Variants in LINC02747 observed in about 807,000 individuals in gnomAD.
LINC02747 encodes the protein CCND1-upstream intergenic DNA repair 2.
chr11:69,479,483 A>G (rs1857028143), intron 1 of LINC02747, among the ~76,000 whole-genome samples: 1 of 152,152 alleles, frequency 6.6e-6, no homozygotes, highest in Non-Finnish European at 1.5e-5. Flanking sequence ...TCATGAGCAG[A>G]AAAACGCCCT....
At chr11:69,477,339 T>C (rs973047110) in exon 2 of LINC02747, 6 of 152,242 alleles carry the variant, frequency 3.9e-5, no homozygotes, top group African/African-American at 1.2e-4. Flanking sequence ...GCTGAGCACA[T>C]GAAGGCCTCA....
At chr11:69,479,009 C>T (rs562188333) in intron 1 of LINC02747, among the ~76,000 whole-genome samples, 1 of 152,110 alleles carries the variant, frequency 6.6e-6, no homozygotes, top group Non-Finnish European at 1.5e-5. Context: ...AATCCCAGCA[C>T]TTTGGGAGGC....
chr11:69,478,091 T>A (rs1857012712), intron 1 of LINC02747, among the ~76,000 whole-genome samples: 1 of 151,966 alleles, frequency 6.6e-6, no homozygotes, highest in African/African-American at 2.4e-5. Context: ...TGCTAACAAA[T>A]GAATAACAAA....
intron 1 of LINC02747, among the ~76,000 whole-genome samples, chr11:69,478,450 C>T (rs1857016035): frequency 6.6e-6 from 1 of 152,232 alleles, no homozygotes; most frequent in South Asian, 2.1e-4. Flanking sequence ...CCGCCTGCTC[C>T]TGTCTTTCCT....
chr11:69,477,067 G>C (rs1857002983), exon 2 of LINC02747: 1 of 152,250 alleles, frequency 6.6e-6, no homozygotes, highest in South Asian at 2.1e-4. Context: ...CTTACACAGA[G>C]GGTCTTGCTG....
chr11:69,477,966 T>C (rs923643148), intron 1 of LINC02747, among the ~76,000 whole-genome samples: 2 of 151,970 alleles, frequency 1.3e-5, no homozygotes, highest in Non-Finnish European at 2.9e-5. Flanking sequence ...GTGGTGGGGA[T>C]GGGGCGAGGA....
chr11:69,476,399 T>C (rs1282852830), exon 2 of LINC02747: 1 of 152,116 alleles, frequency 6.6e-6, no homozygotes, highest in Non-Finnish European at 1.5e-5. Context: ...CAACAGACGC[T>C]TGCTGGTGGG....
Position 69,481,017 on chromosome 11 carries a change from C to T in LINC02747, n.120+409G>A, listed in dbSNP as rs180712252. The stretch of plus-strand genomic sequence containing the variant: ...CAACTGTGTAACAGGTGCCAGGCAC[C>T]TACAGTGTGCTGGGCATGGGGCTGA... On this transcript the variant is annotated intron_variant and non_coding_transcript_variant, in intron 1 of 1. Coordinates refer to ENST00000645449, the Ensembl canonical transcript of LINC02747. 1.3e-4 allele frequency among the ~76,000 whole-genome samples: 20 copies of T among 152,338 alleles called. No individual in the cohort carries two copies. The East Asian group carries it at 1.4e-3, about 10-fold the overall frequency.
At chr11:69,475,847 A>T (rs540919513) in exon 2 of LINC02747, 1 of 152,116 alleles carries the variant, frequency 6.6e-6, no homozygotes, top group Admixed American at 6.5e-5. Context: ...ATGCCATCAC[A>T]TTGGGAGTTA....
chr11:69,477,549 C>A (rs1857007527), exon 2 of LINC02747: 1 of 152,220 alleles, frequency 6.6e-6, no homozygotes, highest in Non-Finnish European at 1.5e-5. Context: ...GGTGTCATCT[C>A]TATTCCAGGA....
At position 69,480,742 on chromosome 11, in the gene LINC02747, C is replaced by T. The variant is rs60493505; in HGVS notation, n.120+684G>A. The stretch of plus-strand genomic sequence containing the variant: ...ACTCTGGCACTGAGCCGGCACTGGG[C>T]GGGATCAGTAGCTTGGATGGAATGC... On this transcript the variant is annotated intron_variant and non_coding_transcript_variant, in intron 1 of 1. Coordinates refer to ENST00000645449, the Ensembl canonical transcript of LINC02747. Among the ~76,000 whole-genome samples the T allele has an allele frequency of 7.5e-3, 1,146 of 152,292 alleles. 18 individuals are homozygous for T. Among genetic ancestry groups the T allele is most frequent in the African/African-American group, 0.026 (1,068 of 41,550 alleles).
chr11:69,481,408 G>A (rs1428235458), intron 1 of LINC02747: 1 of 152,534 alleles, frequency 6.6e-6, no homozygotes, highest in Non-Finnish European at 1.5e-5. Context: ...GGCAAAAGGA[G>A]CCAGACCTCC....
At chr11:69,479,209 C>T (rs557765309) in intron 1 of LINC02747, among the ~76,000 whole-genome samples, 4 of 136,938 alleles carry the variant, frequency 2.9e-5, no homozygotes, top group South Asian at 2.4e-4. Context: ...GAGCCAAGAT[C>T]GCGCCACTGC....
At chr11:69,475,723 C>G (rs568557133) in exon 2 of LINC02747, 2 of 152,134 alleles carry the variant, frequency 1.3e-5, no homozygotes, top group Non-Finnish European at 1.5e-5. Flanking sequence ...GGTCCTCGTG[C>G]GACAGAGAGC....
chr11:69,475,929 G>T (rs1401494501), exon 2 of LINC02747: 1 of 152,248 alleles, frequency 6.6e-6, no homozygotes, highest in Non-Finnish European at 1.5e-5. Flanking sequence ...TCAAGCCCTT[G>T]CCTCAGGCTC....
At chr11:69,479,656 C>G (rs1857031206) in intron 1 of LINC02747, 1 of 152,320 alleles carries the variant, frequency 6.6e-6, no homozygotes, top group Admixed American at 6.5e-5. Context: ...CACTCTCGGC[C>G]TCTGCACGCA....
exon 2 of LINC02747, chr11:69,476,608 G>T (rs1017251507): frequency 6.6e-6 from 1 of 152,182 alleles, no homozygotes; most frequent in Non-Finnish European, 1.5e-5. Context: ...GCCGCTGGGA[G>T]GAAGCCCATC....
exon 2 of LINC02747, chr11:69,477,404 C>T (rs911199674): frequency 6.6e-6 from 1 of 152,280 alleles, no homozygotes; most frequent in Non-Finnish European, 1.5e-5. Flanking sequence ...AGCCCAGTAG[C>T]CTGGGGCTTC....
At chr11:69,479,174 G>C (rs1857024815) in intron 1 of LINC02747, among the ~76,000 whole-genome samples, 1 of 143,976 alleles carries the variant, frequency 6.9e-6, no homozygotes, top group South Asian at 2.3e-4. Context: ...AGAATCCCTT[G>C]AACCCAGGAG....
Sources: gnomAD v4.1 joint callset for allele counts (sites outside exome capture counted in the v4.1 genomes callset) on GRCh38, gnomAD v4.1.1 for gene constraint, MANE v1.5 for transcripts, NCBI Gene and HGNC (gene_info 2026-07-23, HGNC 2026-07-21) for gene names.